Variants in ENTREP2 observed in about 807,000 individuals in gnomAD.
ENTREP2 encodes the protein endosomal transmembrane epsin interactor 2.
chr15:29,628,915 A>G, the ENTREP2 span, among the ~76,000 whole-genome samples: 1 of 152,062 alleles, frequency 6.6e-6, no homozygotes, highest in Non-Finnish European at 1.5e-5. Context: ...ACACCCGGCT[A>G]ATTTTTGTAA....
the ENTREP2 span, among the ~76,000 whole-genome samples, chr15:29,411,583 T>C: frequency 6.6e-6 from 1 of 152,246 alleles, no homozygotes; most frequent in Non-Finnish European, 1.5e-5. Flanking sequence ...GAAATCATAA[T>C]CAGTTATGTG....
chr15:29,129,310 C>G, the ENTREP2 span, among the ~76,000 whole-genome samples: 1 of 152,190 alleles, frequency 6.6e-6, no homozygotes, highest in Non-Finnish European at 1.5e-5. Context: ...GGCGATCCGC[C>G]TGCTTTGGCC....
At chr15:29,266,494 A>G in the ENTREP2 span, 1 of 152,220 alleles carries the variant, frequency 6.6e-6, no homozygotes, top group South Asian at 2.1e-4. Flanking sequence ...AAAGAACTGG[A>G]AAGACCTTAA....
At chr15:29,577,131 G>A in the ENTREP2 span, among the ~76,000 whole-genome samples, 2 of 151,498 alleles carry the variant, frequency 1.3e-5, no homozygotes, top group East Asian at 1.9e-4. Flanking sequence ...AAAAAAAAAA[G>A]AAAGAAAGAA....
At chr15:29,364,808 A>G in the ENTREP2 span, among the ~76,000 whole-genome samples, 8 of 152,314 alleles carry the variant, frequency 5.3e-5, no homozygotes, top group Non-Finnish European at 7.3e-5. Context: ...AGCAAAAGGT[A>G]CAGAGAGTCC....
At chr15:29,667,903 C>T in the ENTREP2 span, among the ~76,000 whole-genome samples, 1 of 152,016 alleles carries the variant, frequency 6.6e-6, no homozygotes, top group South Asian at 2.1e-4. Context: ...TTTTCTTCAC[C>T]CCATGTCATT....
At chr15:29,672,938 T>C in the ENTREP2 span, among the ~76,000 whole-genome samples, 2 of 152,140 alleles carry the variant, frequency 1.3e-5, no homozygotes, top group Non-Finnish European at 2.9e-5. Flanking sequence ...TGGCATGAGC[T>C]GCTCGAGGGA....
chr15:29,559,391 C>G, the ENTREP2 span, among the ~76,000 whole-genome samples: 1 of 152,252 alleles, frequency 6.6e-6, no homozygotes, highest in South Asian at 2.1e-4. Flanking sequence ...GTAAACAACT[C>G]TCCCCTCCTG....
chr15:29,434,577 A>G, the ENTREP2 span, among the ~76,000 whole-genome samples: 1 of 152,212 alleles, frequency 6.6e-6, no homozygotes, highest in Admixed American at 6.5e-5. Flanking sequence ...ACACATCCAC[A>G]TGGTGCAAAA....
chr15:29,346,101 A>G, the ENTREP2 span, among the ~76,000 whole-genome samples: 2 of 152,292 alleles, frequency 1.3e-5, no homozygotes, highest in African/African-American at 4.8e-5. Context: ...GAGCCCATGC[A>G]CTCAAAGGCA....
At chr15:29,644,514 G>A in the ENTREP2 span, among the ~76,000 whole-genome samples, 1 of 152,178 alleles carries the variant, frequency 6.6e-6, no homozygotes, top group Non-Finnish European at 1.5e-5. Context: ...TCACAGAAGT[G>A]AGTCCTGGCC....
chr15:29,175,092 T>G, the ENTREP2 span, among the ~76,000 whole-genome samples: 2 of 152,146 alleles, frequency 1.3e-5, no homozygotes, highest in African/African-American at 4.8e-5. Context: ...TAAGCTAGTG[T>G]CCCGGGTAGC....
chr15:29,419,980 G>A, the ENTREP2 span, among the ~76,000 whole-genome samples: 682 of 152,306 alleles, frequency 4.5e-3, 6 homozygotes, highest in Admixed American at 8.3e-3. Flanking sequence ...TGAAAGGGAT[G>A]AATGAATATG....
At chr15:29,340,030 A>C in the ENTREP2 span, among the ~76,000 whole-genome samples, 4 of 152,262 alleles carry the variant, frequency 2.6e-5, no homozygotes, top group African/African-American at 9.6e-5. Context: ...AGGATAAGAC[A>C]CTAAGATTCT....
the ENTREP2 span, among the ~76,000 whole-genome samples, chr15:29,244,424 G>C: frequency 1.3e-5 from 2 of 152,218 alleles, no homozygotes; most frequent in African/African-American, 4.8e-5. Flanking sequence ...CTTTTTCCCT[G>C]TAAATCCTCA....
chr15:29,183,738 G>C, the ENTREP2 span, among the ~76,000 whole-genome samples: 1 of 152,134 alleles, frequency 6.6e-6, no homozygotes. Context: ...AACTCTGCAG[G>C]GGAATGAAAA....
the ENTREP2 span, among the ~76,000 whole-genome samples, chr15:29,556,750 C>G: frequency 8.3e-6 from 1 of 120,792 alleles, no homozygotes; most frequent in Non-Finnish European, 1.7e-5. Context: ...CTGGCTTCAG[C>G]CCCATGCAGG....
the ENTREP2 span, among the ~76,000 whole-genome samples, chr15:29,601,434 T>A: frequency 1.8e-5 from 2 of 109,848 alleles, no homozygotes; most frequent in Non-Finnish European, 3.5e-5. Flanking sequence ...CACCACCACC[T>A]TTTTTTTTTT....
the ENTREP2 span, among the ~76,000 whole-genome samples, chr15:29,649,403 A>T: frequency 6.6e-6 from 1 of 152,188 alleles, no homozygotes; most frequent in Non-Finnish European, 1.5e-5. Flanking sequence ...TTTCAGACAG[A>T]GTATTTAGCC....
Sources: gnomAD v4.1 joint callset for allele counts (sites outside exome capture counted in the v4.1 genomes callset) on GRCh38, gnomAD v4.1.1 for gene constraint, MANE v1.5 for transcripts, NCBI Gene and HGNC (gene_info 2026-07-23, HGNC 2026-07-21) for gene names.